GPC5: variants seen among roughly 807,000 people sequenced by gnomAD.
The protein encoded by GPC5 is glypican-5.
Under a neutral mutation model 53.9 loss-of-function variants are expected in GPC5, and 47 were observed. The observed-to-expected ratio is 0.87, with a 90% CI of 0.69 to 1.11. The LOEUF (loss-of-function observed/expected upper bound fraction) is 1.11. Among genes scored for constraint, GPC5 ranks in the 50% most tolerant of loss-of-function variants. GPC5 has a pLI of 0.00. For synonymous variants in GPC5, 286 were observed against 263.3 expected (o/e 1.09, Z -0.84); for missense variants, 748 against 713.1 (o/e 1.05, Z -0.56).
At chr13:92,733,672 G>A (rs1888866283) in intron 7 of GPC5, among the ~76,000 whole-genome samples, 1 of 151,664 alleles carries the variant, frequency 6.6e-6, no homozygotes, top group Non-Finnish European at 1.5e-5. Context: ...TTTCTCTAAG[G>A]GTTGAATTTT....
Position 92,011,775 on chromosome 13 carries a change from A to C in GPC5, c.1401+103718A>C, listed in dbSNP as rs569437120. On this transcript the variant is annotated intron_variant, in intron 6 of 7. Coordinates refer to ENST00000377067, the MANE Select transcript of GPC5 (RefSeq NM_004466.6). Reference sequence around the variant, plus strand: ...GTATCTTCAGTGAATAAAGTAATAAAATGCTTATCAGTATATTACTATCTT... The same window carrying C: ...GTATCTTCAGTGAATAAAGTAATAACATGCTTATCAGTATATTACTATCTT... 2.0e-5 allele frequency among the ~76,000 whole-genome samples: 3 copies of C among 152,294 alleles called. No individual in the cohort carries two copies. In the South Asian group the frequency reaches 6.2e-4, roughly 32 times the overall value.
At chr13:92,105,205 G>A (rs143433965) in intron 6 of GPC5, among the ~76,000 whole-genome samples, 103 of 152,054 alleles carry the variant, frequency 6.8e-4, no homozygotes, top group African/African-American at 2.2e-3. Flanking sequence ...ACAACTATGC[G>A]TTGTTTTAAT....
intron 7 of GPC5, among the ~76,000 whole-genome samples, chr13:92,765,015 C>T (rs1875339202): frequency 6.6e-6 from 1 of 152,086 alleles, no homozygotes. Flanking sequence ...GCAAAATTAC[C>T]AAGCTAGATT....
intron 7 of GPC5, among the ~76,000 whole-genome samples, chr13:92,399,811 T>C (rs1875475421): frequency 1.3e-5 from 2 of 152,230 alleles, no homozygotes; most frequent in African/African-American, 4.8e-5. Flanking sequence ...TTTAACTTTA[T>C]GTGCCTGTGT....
intron 2 of GPC5, among the ~76,000 whole-genome samples, chr13:91,646,066 C>T (rs2034550513): frequency 6.6e-6 from 1 of 152,144 alleles, no homozygotes; most frequent in Non-Finnish European, 1.5e-5. Context: ...TTTCCAAATG[C>T]TGTATTAAAC....
At chr13:92,486,794 C>T (rs1375585416) in intron 7 of GPC5, among the ~76,000 whole-genome samples, 2 of 151,956 alleles carry the variant, frequency 1.3e-5, no homozygotes, top group Admixed American at 6.6e-5. Context: ...GTCACATCAG[C>T]CACATTTCAT....
At chr13:92,586,345 T>G (rs1883538203) in intron 7 of GPC5, among the ~76,000 whole-genome samples, 1 of 152,206 alleles carries the variant, frequency 6.6e-6, no homozygotes, top group Non-Finnish European at 1.5e-5. Flanking sequence ...CCATGCACTA[T>G]TCTTAGAATT....
At chr13:92,761,738 C>A (rs1012997328) in intron 7 of GPC5, among the ~76,000 whole-genome samples, 1 of 152,076 alleles carries the variant, frequency 6.6e-6, no homozygotes, top group Non-Finnish European at 1.5e-5. Context: ...TAGATAAGGG[C>A]TTACTACTGG....
intron 5 of GPC5, among the ~76,000 whole-genome samples, chr13:91,855,367 T>C (rs2038956335): frequency 6.6e-6 from 1 of 151,632 alleles, no homozygotes; most frequent in African/African-American, 2.4e-5. Context: ...AAATGTATAC[T>C]TTCCCCCAGC....
At chr13:92,170,278 C>T (rs1480562751) in intron 7 of GPC5, among the ~76,000 whole-genome samples, 1 of 151,794 alleles carries the variant, frequency 6.6e-6, no homozygotes, top group African/African-American at 2.4e-5. Flanking sequence ...ACAATCCATG[C>T]ATAAGATTCT....
chr13:92,455,432 A>T (rs7331228), intron 7 of GPC5, among the ~76,000 whole-genome samples: 3 of 152,198 alleles, frequency 2.0e-5, no homozygotes, highest in Admixed American at 2.0e-4. Flanking sequence ...AATACCACTG[A>T]AATAGATAAT....
At chr13:92,247,461 G>A (rs1034805617) in intron 7 of GPC5, among the ~76,000 whole-genome samples, 1 of 152,074 alleles carries the variant, frequency 6.6e-6, no homozygotes, top group African/African-American at 2.4e-5. Flanking sequence ...CTTTAATGCT[G>A]TTTAGGTTGC....
chr13:92,581,355 G>T (rs1373557620), intron 7 of GPC5, among the ~76,000 whole-genome samples: 1 of 152,044 alleles, frequency 6.6e-6, no homozygotes, highest in Non-Finnish European at 1.5e-5. Context: ...TTTACGTAAT[G>T]CCATATCCTC....
At chr13:92,185,738 A>T (rs1425052315) in intron 7 of GPC5, among the ~76,000 whole-genome samples, 6 of 152,178 alleles carry the variant, frequency 3.9e-5, no homozygotes, top group Admixed American at 3.3e-4. Context: ...ATTGTTCTAC[A>T]TCATTGTCAA....
intron 7 of GPC5, among the ~76,000 whole-genome samples, chr13:92,180,078 G>T (rs766067306): frequency 6.6e-6 from 1 of 152,106 alleles, no homozygotes; most frequent in African/African-American, 2.4e-5. Flanking sequence ...ATGCTCAAAT[G>T]TTTATTTTTT....
At chr13:91,915,741 G>A (rs1012500119) in intron 6 of GPC5, among the ~76,000 whole-genome samples, 11 of 151,878 alleles carry the variant, frequency 7.2e-5, no homozygotes, top group Non-Finnish European at 1.6e-4. Flanking sequence ...TTTCACAAAA[G>A]AGGTTCCAAA....
intron 7 of GPC5, among the ~76,000 whole-genome samples, chr13:92,214,792 T>C (rs1198096346): frequency 6.6e-6 from 1 of 152,202 alleles, no homozygotes; most frequent in Non-Finnish European, 1.5e-5. Flanking sequence ...TAGTCTGCAT[T>C]GTGCAGGTGT....
chr13:91,798,108 T>C (rs2038075554), intron 5 of GPC5, among the ~76,000 whole-genome samples: 1 of 152,156 alleles, frequency 6.6e-6, no homozygotes, highest in Non-Finnish European at 1.5e-5. Context: ...GGAAGGGAAA[T>C]AAGATGTTGT....
chr13:92,141,351 T>A (rs1197870637), intron 6 of GPC5, among the ~76,000 whole-genome samples: 2 of 152,100 alleles, frequency 1.3e-5, no homozygotes, highest in East Asian at 3.9e-4. Context: ...GGATCCTGGA[T>A]ATATCTGAAT....
Sources: allele counts gnomAD v4.1 joint callset (sites outside exome capture counted in the v4.1 genomes callset), GRCh38; gene constraint gnomAD v4.1.1; transcripts MANE v1.5; gene names NCBI Gene and HGNC (gene_info 2026-07-23, HGNC 2026-07-21).